Variants in SLC18B1 observed in about 807,000 individuals in gnomAD.
SLC18B1 encodes the protein solute carrier family 18 member B1, also known as MFS-type transporter SLC18B1.
A neutral mutation model predicts 53.9 loss-of-function variants in SLC18B1; 62 were observed. The observed-to-expected ratio is 1.15, with a 90% CI of 0.94 to 1.42. The LOEUF (loss-of-function observed/expected upper bound fraction) is 1.42. SLC18B1 is among the 40% of genes most tolerant of loss of function. SLC18B1 has a pLI of 0.00. For synonymous variants in SLC18B1, 217 were observed against 200.9 expected, an observed-to-expected ratio of 1.08 and a Z score of -0.68; for missense variants, 598 against 547.3, an observed-to-expected ratio of 1.09 and a Z score of -0.93.
chr6:132,784,106 G>GA lies in SLC18B1; in HGVS notation c.502-18dup, dbSNP rs1232223126. The GA allele has an allele frequency of 8.5e-6, 13 of 1,528,558 alleles. No homozygotes were observed. The African/African-American group carries it at 8.5e-5, about 10-fold the overall frequency. The allele number at this position is 1,528,558 out of a possible 1,614,324, so 94.7% of individuals were successfully genotyped here. ...AAGACTTCCCTTAAAATGAGAAAAA[G>GA]AAAAAATCAGTTTAAATATTTCATT... On this transcript the variant is annotated splice_polypyrimidine_tract_variant and intron_variant, in intron 5 of 13. Coordinates refer to ENST00000275227, the MANE Select transcript of SLC18B1 (RefSeq NM_052831.3).
At chr6:132,787,623 T>TA in intron 4 of SLC18B1, 42 bp from the exon 5 acceptor site, 2 of 1,472,066 alleles carry the variant, frequency 1.4e-6, no homozygotes, top group Non-Finnish European at 1.8e-6. Flanking sequence ...AAGCTGGTTT[T>TA]CTTTTTTTTT....
intron 8 of SLC18B1, among the ~76,000 whole-genome samples, chr6:132,774,711 C>A (rs1781058622): frequency 1.3e-5 from 2 of 152,074 alleles, no homozygotes; most frequent in Non-Finnish European, 2.9e-5. Context: ...AAGTTTGAGA[C>A]CAGACTAGCC....
In SLC18B1 at chr6:132,792,224, T is replaced by TAAGAAAGA. The variant is rs1562271190; in HGVS notation, c.184-1953_184-1952insTCTTTCTT. Among the ~76,000 whole-genome samples the TAAGAAAGA allele has an allele frequency of 1.7e-3, 72 of 42,320 alleles. 5 individuals are homozygous for TAAGAAAGA. Among genetic ancestry groups the TAAGAAAGA allele is most frequent in the African/African-American group, 7.7e-3 (68 of 8,858 alleles). 27.8% of individuals were successfully genotyped at this position (42,320 alleles called of 152,430 possible). On this transcript the variant is annotated intron_variant, in intron 2 of 13. Coordinates refer to ENST00000275227, the MANE Select transcript of SLC18B1 (RefSeq NM_052831.3). ...GCCTGGGTGACAGAGCAAGACACTG[T>TAAGAAAGA]CAGAAAGAAAGAAAGAAAGAAAGAA... is the stretch of plus-strand genomic sequence containing the variant.
rs55943508 is a variant in SLC18B1 at position 132,794,107 on chromosome 6, AT to A, written c.183+2874del. 1.0e-2 allele frequency among the ~76,000 whole-genome samples: 1,378 copies of A among 137,920 alleles called. 16 individuals are homozygous for A. The highest frequency in any genetic ancestry group is 0.031 in the African/African-American group (1,125 of 36,802). 90.5% of individuals were successfully genotyped at this position (137,920 alleles called of 152,430 possible). On this transcript the variant is annotated intron_variant, in intron 2 of 13. Transcript: ENST00000275227. The stretch of plus-strand genomic sequence containing the variant: ...ACAGGCTCTTATTATTTTTTTTTTA[AT>A]TTTTTTTTTTTTTGAGATGGAGTCT...
intron 2 of SLC18B1, among the ~76,000 whole-genome samples, chr6:132,792,288 A>AAAGAAAGGAAGGAAGG (rs770774646): frequency 2.5e-5 from 1 of 39,932 alleles, no homozygotes; most frequent in South Asian, 9.2e-4. Context: ...AGAAAGGAAG[A>AAAGAAAGGAAGGAAGG]AAGGAAGGAA....
intron 7 of SLC18B1, among the ~76,000 whole-genome samples, chr6:132,776,714 T>C (rs1377814445): frequency 6.6e-6 from 1 of 152,240 alleles, no homozygotes; most frequent in Non-Finnish European, 1.5e-5. Flanking sequence ...AATTAATGTT[T>C]TGCAAACTTC....
At position 132,787,524 on chromosome 6, in the gene SLC18B1, T is replaced by C; in HGVS notation, c.411A>G (p.Arg137=). 1.9e-6 allele frequency: 3 copies of C among 1,610,606 alleles called. No individual in the cohort carries two copies. The highest frequency in any genetic ancestry group is 2.5e-6 in the Non-Finnish European group (3 of 1,178,692). Residue 137 remains arginine (R), a synonymous_variant, in exon 5 of 14, where the codon AGA becomes AGG. Coordinates refer to ENST00000275227, the MANE Select transcript of SLC18B1 (RefSeq NM_052831.3). The part of the protein sequence containing the change: ...PVFIAMCFLV[R]VMDAVSFAAA... ...CAGCAAAGCTAACTGCATCCATTAC[T>C]CTCACTAGAAAACACATAGCAATAA...
At position 132,798,483 on chromosome 6, in the gene SLC18B1, A is replaced by C; in HGVS notation, c.-27T>G. 1 of 1,481,466 alleles carries C rather than the reference A, an allele frequency of 6.8e-7. No individual in the cohort carries two copies. Among genetic ancestry groups the C allele is most frequent in the Non-Finnish European group, 9.0e-7 (1 of 1,111,598 alleles). The allele number at this position is 1,481,466 out of a possible 1,614,324, so 91.8% of individuals were successfully genotyped here. A position where few individuals can be genotyped will look rare whatever the true frequency, so the allele number is the denominator to read the frequency against. On this transcript the variant is annotated 5_prime_UTR_variant, in exon 1 of 14. Transcript: ENST00000275227. ...CCCGGTGCGTGGACTCCGGCGCCCC[A>C]GCTCCCGGCTTCAAGCCACGTCCTT...
chr6:132,791,592 G>C (rs919915237), intron 2 of SLC18B1, among the ~76,000 whole-genome samples: 13 of 152,078 alleles, frequency 8.5e-5, no homozygotes, highest in Non-Finnish European at 1.5e-4. Flanking sequence ...ATTTTAGGAA[G>C]GATCTCTCTC....
chr6:132,789,675 C>G, intron 4 of SLC18B1, 89 bp downstream of exon 4: 1 of 895,074 alleles, frequency 1.1e-6, no homozygotes, highest in Admixed American at 1.9e-5. Context: ...TAAATGGAAC[C>G]ATTGACTTAA....
intron 6 of SLC18B1, among the ~76,000 whole-genome samples, chr6:132,782,831 G>A (rs557583888): frequency 6.6e-6 from 1 of 150,712 alleles, no homozygotes; most frequent in African/African-American, 2.4e-5. Context: ...CTGGAGCGCA[G>A]TGGCATGATC....
chr6:132,773,322 C>T (rs973503316), intron 9 of SLC18B1, among the ~76,000 whole-genome samples: 2 of 152,042 alleles, frequency 1.3e-5, no homozygotes, highest in Non-Finnish European at 2.9e-5. Flanking sequence ...ATCTCCATCT[C>T]TTTGGTCCTT....
Position 132,789,792 on chromosome 6 carries a change from C to A in SLC18B1, c.325G>T (p.Val109Phe), listed in dbSNP as rs1441199633. Residue 109 changes from valine to phenylalanine, a missense_variant, in exon 4 of 14, where the codon GTC becomes TTC. By Grantham distance (50) the Val-to-Phe change is conservative. Coordinates refer to ENST00000275227, the MANE Select transcript of SLC18B1 (RefSeq NM_052831.3). ...AAGAGAATTGTAACTCCTCCTGAGA[C>A]AAACATTCCTGCTACAAACATAAAT... The part of the protein sequence containing the change: ...AKFMFVAGMF[V>F]SGGVTILFGV... 1 of 1,613,480 alleles carries A rather than the reference C, an allele frequency of 6.2e-7. No individual in the cohort carries two copies. Among genetic ancestry groups the A allele is most frequent in the Non-Finnish European group, 8.5e-7 (1 of 1,179,516 alleles).
At chr6:132,772,304 C>T (rs927465788) in intron 10 of SLC18B1, 98 bp from the exon 11 acceptor site, 1 of 697,142 alleles carries the variant, frequency 1.4e-6, no homozygotes, top group Admixed American at 3.1e-5. Flanking sequence ...CAAGGATAAT[C>T]TGGAAAAAAA....
rs563710653 is a variant in SLC18B1, at chr6:132,790,348, G to A, written c.184-76C>T. On this transcript the variant is annotated intron_variant, in intron 2 of 13. Coordinates refer to ENST00000275227, the MANE Select transcript of SLC18B1 (RefSeq NM_052831.3). Reference sequence around the variant, plus strand: ...ATGAAAAAATGGAAATAATAGATCAGGGCATCATCTTCTTGTGAACTTTAT... The same window carrying A: ...ATGAAAAAATGGAAATAATAGATCAAGGCATCATCTTCTTGTGAACTTTAT... 13 of 996,504 alleles carry A rather than the reference G, an allele frequency of 1.3e-5. No homozygotes were observed. In the African/African-American group the frequency reaches 2.0e-4, roughly 15 times the overall value. 61.7% of individuals were successfully genotyped at this position (996,504 alleles called of 1,614,324 possible).
chr6:132,784,743 G>A (rs1781326540), intron 5 of SLC18B1, among the ~76,000 whole-genome samples: 2 of 152,156 alleles, frequency 1.3e-5, no homozygotes, highest in African/African-American at 4.8e-5. Flanking sequence ...TAGACATGCA[G>A]ATATGACATG....
At chr6:132,772,829 G>A (rs1781009826) in intron 10 of SLC18B1, among the ~76,000 whole-genome samples, 164 bp downstream of exon 10, 1 of 152,134 alleles carries the variant, frequency 6.6e-6, no homozygotes, top group South Asian at 2.1e-4. Flanking sequence ...TTCTATTAGT[G>A]TATTATTACT....
At chr6:132,785,042 TAA>T (rs57970706) in intron 5 of SLC18B1, among the ~76,000 whole-genome samples, 37 of 133,316 alleles carry the variant, frequency 2.8e-4, no homozygotes, top group Middle Eastern at 3.5e-3. Flanking sequence ...CCTGTCCAGT[TAA>T]AAAAAAAAAA....
At chr6:132,771,013 C>T (rs2114657378) in intron 12 of SLC18B1, 23 bp downstream of exon 12, 22 of 1,610,200 alleles carry the variant, frequency 1.4e-5, no homozygotes, top group South Asian at 2.2e-5. Flanking sequence ...AAGGAAAATG[C>T]AAATAAAAGA....
Sources: allele counts gnomAD v4.1 joint callset (sites outside exome capture counted in the v4.1 genomes callset), GRCh38; gene constraint gnomAD v4.1.1; transcripts MANE v1.5; gene names NCBI Gene and HGNC (gene_info 2026-07-23, HGNC 2026-07-21).